Variants in BLTP1 observed in about 807,000 individuals in gnomAD.
The protein encoded by BLTP1 is bridge-like lipid transfer protein family member 1.
At chr4:122,198,247 C>A in the BLTP1 span, 1 of 982,212 alleles carries the variant, frequency 1.0e-6, no homozygotes, top group African/African-American at 1.7e-5. Context: ...GAATAACTAA[C>A]CCTTATCTAG....
chr4:122,322,218 GT>G, the BLTP1 span, among the ~76,000 whole-genome samples: 1 of 150,386 alleles, frequency 6.6e-6, no homozygotes, highest in Non-Finnish European at 1.5e-5. Flanking sequence ...GTTTTGTTTT[GT>G]TTTTTTAGTC....
chr4:122,249,317 G>T, the BLTP1 span: 1 of 732,008 alleles, frequency 1.4e-6, no homozygotes, highest in Non-Finnish European at 1.7e-6. Flanking sequence ...CTTCCTCTTA[G>T]GCAGCATTAT....
At chr4:122,235,038 C>T in the BLTP1 span, 32 of 1,579,056 alleles carry the variant, frequency 2.0e-5, no homozygotes, top group Middle Eastern at 1.8e-4. Flanking sequence ...TAAAATGTTT[C>T]GTCACTTGTG....
chr4:122,214,521 C>G, the BLTP1 span: 8 of 941,652 alleles, frequency 8.5e-6, no homozygotes, highest in Non-Finnish European at 1.0e-5. Context: ...ATTTATTAAT[C>G]TTAAAGTACC....
At chr4:122,206,703 A>G in the BLTP1 span, among the ~76,000 whole-genome samples, 1 of 151,998 alleles carries the variant, frequency 6.6e-6, no homozygotes, top group East Asian at 1.9e-4. Flanking sequence ...GTGAAATAAC[A>G]CGGAAAAATA....
the BLTP1 span, chr4:122,225,931 G>C: frequency 6.6e-6 from 1 of 152,120 alleles, no homozygotes; most frequent in Admixed American, 6.5e-5. Flanking sequence ...TCCAAGGCCT[G>C]CTAGAATCTT....
the BLTP1 span, among the ~76,000 whole-genome samples, chr4:122,245,522 T>C: frequency 6.6e-6 from 1 of 152,108 alleles, no homozygotes; most frequent in Admixed American, 6.6e-5. Flanking sequence ...ATCTTAATAT[T>C]ACTTTTGAGA....
the BLTP1 span, chr4:122,189,494 CTT>C: frequency 3.4e-6 from 3 of 895,088 alleles, no homozygotes; most frequent in African/African-American, 1.8e-5. Context: ...AAAATGATAA[CTT>C]TTTTATTATT....
chr4:122,224,485 T>A, the BLTP1 span: 3 of 1,607,622 alleles, frequency 1.9e-6, no homozygotes, highest in South Asian at 3.3e-5. Flanking sequence ...AGTCTCATCA[T>A]TATTGTTTTC....
At chr4:122,170,072 C>G in the BLTP1 span, 1 of 801,642 alleles carries the variant, frequency 1.2e-6, no homozygotes, top group Non-Finnish European at 1.5e-6. Flanking sequence ...TTTGGGAGGT[C>G]GAGGCAGGCG....
At chr4:122,209,783 A>C in the BLTP1 span, 1 of 1,605,926 alleles carries the variant, frequency 6.2e-7, no homozygotes, top group African/African-American at 1.3e-5. Flanking sequence ...AGGAATGAGT[A>C]TCTGACTAGA....
the BLTP1 span, chr4:122,281,484 A>G: frequency 1.2e-5 from 18 of 1,456,726 alleles, no homozygotes; most frequent in African/African-American, 1.9e-4. Context: ...TTTCTACAAT[A>G]AAATGGTACG....
the BLTP1 span, chr4:122,325,195 A>C: frequency 1.3e-6 from 2 of 1,558,814 alleles, no homozygotes; most frequent in Non-Finnish European, 1.7e-6. Context: ...TTTAATGAGA[A>C]TATTGGTGTT....
At chr4:122,236,340 C>T in the BLTP1 span, among the ~76,000 whole-genome samples, 234 of 152,236 alleles carry the variant, frequency 1.5e-3, no homozygotes, top group Non-Finnish European at 2.8e-3. Context: ...CAGCAAACAC[C>T]AAAACTTCTT....
chr4:122,341,614 A>G, the BLTP1 span: 9 of 906,784 alleles, frequency 9.9e-6, no homozygotes, highest in Non-Finnish European at 1.2e-5. Context: ...AGAAAACAAC[A>G]TAAATGAATA....
the BLTP1 span, chr4:122,243,683 C>T: frequency 4.4e-5 from 23 of 527,960 alleles, no homozygotes; most frequent in Non-Finnish European, 5.6e-5. Flanking sequence ...CACCACTGCA[C>T]TCCAGCCTAG....
chr4:122,270,653 G>T, the BLTP1 span, among the ~76,000 whole-genome samples: 1 of 151,840 alleles, frequency 6.6e-6, no homozygotes, highest in Admixed American at 6.6e-5. Flanking sequence ...AGGAGGGGGG[G>T]ATGGTTAAGT....
the BLTP1 span, chr4:122,273,104 T>A: frequency 3.6e-6 from 2 of 550,902 alleles, no homozygotes; most frequent in Non-Finnish European, 4.6e-6. Flanking sequence ...CCAGTGTGGT[T>A]TTTTTTCTGG....
At chr4:122,310,894 T>C in the BLTP1 span, 5 of 916,128 alleles carry the variant, frequency 5.5e-6, no homozygotes, top group Non-Finnish European at 6.5e-6. Context: ...ATGGAAATAC[T>C]CATGCCTATT....
Sources: allele counts gnomAD v4.1 joint callset (sites outside exome capture counted in the v4.1 genomes callset), GRCh38; gene constraint gnomAD v4.1.1; transcripts MANE v1.5; gene names NCBI Gene and HGNC (gene_info 2026-07-23, HGNC 2026-07-21).